RANBP3L: variants seen among roughly 807,000 people sequenced by gnomAD.
RANBP3L encodes ran-binding protein 3-like.
RANBP3L carries 56 observed loss-of-function variants against 67.2 expected under a neutral mutation model. That is an observed-to-expected ratio of 0.83 (90% CI 0.67 to 1.04). The LOEUF (loss-of-function observed/expected upper bound fraction) is 1.04. Ranked by LOEUF, RANBP3L falls within the 50% of genes least tolerant of loss-of-function variation. RANBP3L has a pLI of 0.00. For synonymous variants in RANBP3L, 164 were observed against 181.4 expected (o/e 0.90, Z 0.77); for missense variants, 496 against 535.5 (o/e 0.93, Z 0.73).
In RANBP3L at chr5:36,257,512, A is replaced by G. The variant is rs1177182891; in HGVS notation, c.714T>C (p.Tyr238=). 1.9e-6 allele frequency: 3 copies of G among 1,599,624 alleles called. No individual in the cohort carries two copies. The highest frequency in any genetic ancestry group is 2.6e-6 in the Non-Finnish European group (3 of 1,170,846). ...TGGATTTGAATGGTTTTTCCTTGGC[A>G]TATGAATCATTTTCAAGTTGAGGCT... ...LTQPQLENDS[Y]AKEKPFKSIP... Residue 238 remains tyrosine (Y), a synonymous_variant, in exon 9 of 14, where the codon TAT becomes TAC. Transcript: ENST00000296604.
chr5:36,258,664 A>G, intron 8 of RANBP3L, among the ~76,000 whole-genome samples: 1 of 152,250 alleles, frequency 6.6e-6, no homozygotes, highest in East Asian at 1.9e-4. Flanking sequence ...TTAAGCATTT[A>G]AAATGCCCAC....
intron 12 of RANBP3L, among the ~76,000 whole-genome samples, chr5:36,253,379 A>G (rs1322908700): frequency 6.6e-6 from 1 of 152,108 alleles, no homozygotes; most frequent in Non-Finnish European, 1.5e-5. Context: ...ATTGTTCACA[A>G]AATTTCAATA....
chr5:36,299,365 GTA>G (rs372128206), intron 1 of RANBP3L, among the ~76,000 whole-genome samples: 2 of 147,996 alleles, frequency 1.4e-5, no homozygotes, highest in South Asian at 2.2e-4. Flanking sequence ...GTGTGTGTGT[GTA>G]TATATCCTAT....
intron 1 of RANBP3L, 34 bp downstream of exon 1, chr5:36,301,292 C>G (rs368669129): frequency 8.8e-5 from 132 of 1,499,882 alleles, no homozygotes; most frequent in Non-Finnish European, 1.1e-4. Context: ...CAGAAGGTCA[C>G]AGAATATGCA....
chr5:36,251,830 G>T (rs1236735851), intron 12 of RANBP3L, among the ~76,000 whole-genome samples: 1 of 152,020 alleles, frequency 6.6e-6, no homozygotes, highest in South Asian at 2.1e-4. Context: ...AAAATTGTAG[G>T]ATTGCAGAGA....
chr5:36,288,154 T>C (rs1751455490), intron 1 of RANBP3L, among the ~76,000 whole-genome samples: 1 of 152,200 alleles, frequency 6.6e-6, no homozygotes, highest in East Asian at 1.9e-4. Flanking sequence ...GTTCCTTGTG[T>C]CCTGTTCCAG....
rs1748897593 is a variant in RANBP3L at position 36,255,419 on chromosome 5, A to T, written c.1024+51T>A. 5.7e-6 allele frequency: 9 copies of T among 1,570,764 alleles called. No individual in the cohort carries two copies. The East Asian group carries it at 2.0e-4, about 36-fold the overall frequency. Reference sequence around the variant, plus strand: ...TGTGTACCTATATTATTATAAGTACACAGGAGAAATCCTGACAAATTATGG... The same window carrying T: ...TGTGTACCTATATTATTATAAGTACTCAGGAGAAATCCTGACAAATTATGG... On this transcript the variant is annotated intron_variant, in intron 11 of 13. Coordinates refer to ENST00000296604, the MANE Select transcript of RANBP3L (RefSeq NM_145000.5).
At chr5:36,283,115 G>A (rs1214824220) in intron 1 of RANBP3L, among the ~76,000 whole-genome samples, 1 of 152,094 alleles carries the variant, frequency 6.6e-6, no homozygotes, top group East Asian at 1.9e-4. Flanking sequence ...AGGATGCCTG[G>A]CTAGCTCAGT....
chr5:36,269,404 G>C lies in RANBP3L; in HGVS notation c.254C>G (p.Ser85Cys). 6.4e-7 allele frequency: 1 copy of C among 1,557,632 alleles called. No homozygotes were observed. ...GCTATACATACCTCCCTGGGACTGA[G>C]AATCTGTAATATGAAAAGTAAAAGA... ...SSSFTFHITD[S>C]QSQGVRKNNV... The change falls in exon 4 of 14, where the codon TCT (serine) becomes TGT (cysteine). Residue 85 changes from serine (S) to cysteine (C), a missense_variant. By Grantham distance (112) the Ser-to-Cys change is moderately radical (BLOSUM62 -1). Transcript: ENST00000296604.
At chr5:36,253,084 G>T (rs545026109) in intron 12 of RANBP3L, among the ~76,000 whole-genome samples, 1 of 151,952 alleles carries the variant, frequency 6.6e-6, no homozygotes, top group African/African-American at 2.4e-5. Flanking sequence ...GCTCTCTTGG[G>T]TCTGGATCTT....
At chr5:36,269,691 A>C (rs1245145916) in intron 3 of RANBP3L, among the ~76,000 whole-genome samples, 1 of 152,208 alleles carries the variant, frequency 6.6e-6, no homozygotes, top group African/African-American at 2.4e-5. Flanking sequence ...AATAATTTGT[A>C]TATGCATTCT....
At chr5:36,263,947 C>T (rs1263108873) in intron 6 of RANBP3L, among the ~76,000 whole-genome samples, 1 of 152,148 alleles carries the variant, frequency 6.6e-6, no homozygotes, top group Non-Finnish European at 1.5e-5. Flanking sequence ...TTAAAAATTA[C>T]TTATATAGCA....
At chr5:36,292,355 G>C (rs1751854326) in intron 1 of RANBP3L, among the ~76,000 whole-genome samples, 1 of 151,908 alleles carries the variant, frequency 6.6e-6, no homozygotes, top group African/African-American at 2.4e-5. Flanking sequence ...TAGGTTGCCT[G>C]TTCACTCTGA....
Position 36,265,493 on chromosome 5 carries a change from G to T in RANBP3L, c.296C>A (p.Ser99Ter). The part of the protein sequence containing the change: ...GVRKNNVFMT[S>*]ALVQSSVDIK... ...ATCAACACTACTTTGCACAAGAGCTGATGTCATAAAAACATTGTTTTTCCT... is the reference window on the plus strand; with the variant it reads ...ATCAACACTACTTTGCACAAGAGCTTATGTCATAAAAACATTGTTTTTCCT... The change falls in exon 5 of 14, where the codon TCA becomes TAA. Residue 99 changes from serine to a stop codon, truncating the protein, a stop_gained. Coordinates refer to ENST00000296604, the MANE Select transcript of RANBP3L (RefSeq NM_145000.5). LOFTEE classifies it high-confidence loss of function. The T allele has an allele frequency of 6.2e-7, 1 of 1,604,812 alleles. No individual in the cohort carries two copies.
At chr5:36,294,844 T>G (rs1367926732) in intron 1 of RANBP3L, among the ~76,000 whole-genome samples, 3 of 148,460 alleles carry the variant, frequency 2.0e-5, no homozygotes, top group African/African-American at 7.4e-5. Context: ...ATATGACATA[T>G]AAACATATAT....
chr5:36,254,816 G>A (rs964919034), intron 11 of RANBP3L, among the ~76,000 whole-genome samples: 2 of 151,990 alleles, frequency 1.3e-5, no homozygotes, highest in Non-Finnish European at 2.9e-5. Flanking sequence ...CTCTCTTTCA[G>A]TTTGGACCTC....
intron 11 of RANBP3L, 37 bp downstream of exon 11, chr5:36,255,433 G>A: frequency 6.3e-7 from 1 of 1,593,028 alleles, no homozygotes. Flanking sequence ...GAGAAATCCT[G>A]ACAAATTATG....
intron 1 of RANBP3L, among the ~76,000 whole-genome samples, chr5:36,295,491 G>A (rs913797140): frequency 2.0e-5 from 3 of 152,102 alleles, no homozygotes; most frequent in African/African-American, 7.2e-5. Context: ...CTGTGGAACT[G>A]TGTGTCAATT....
intron 1 of RANBP3L, among the ~76,000 whole-genome samples, chr5:36,300,059 T>G (rs1033537899): frequency 6.6e-6 from 1 of 152,214 alleles, no homozygotes; most frequent in Non-Finnish European, 1.5e-5. Context: ...CTATTAAAAT[T>G]ATCATATTAG....
Sources: gnomAD v4.1 joint callset for allele counts (sites outside exome capture counted in the v4.1 genomes callset) on GRCh38, gnomAD v4.1.1 for gene constraint, MANE v1.5 for transcripts, NCBI Gene and HGNC (gene_info 2026-07-23, HGNC 2026-07-21) for gene names.